The following CEP41 variants were observed in gnomAD, a reference collection of about 807,000 sequenced individuals.
The protein encoded by CEP41 is centrosomal protein 41, also known as centrosomal protein of 41 kDa.
In CEP41, 32 loss-of-function variants were observed where a neutral mutation model predicts 44.3. The observed-to-expected ratio is 0.72, with a 90% CI of 0.54 to 0.97. The LOEUF (loss-of-function observed/expected upper bound fraction) is 0.97, where lower values mean the gene tolerates loss of function less well. Ranked by LOEUF, CEP41 falls within the 50% of genes least tolerant of loss-of-function variation. The probability of loss-of-function intolerance (pLI) is 0.00; values close to 1 mark genes in which losing one functional copy is unlikely to be tolerated. For synonymous variants in CEP41, 151 were observed against 168.5 expected (o/e 0.90, Z 0.80); for missense variants, 432 against 455.2 (o/e 0.95, Z 0.46).
chr7:130,399,187 G>GGCTT, intron 10 of CEP41, 148 bp from the exon 11 acceptor site: 1 of 879,212 alleles, frequency 1.1e-6, no homozygotes. Context: ...GGCCAACGAT[G>GGCTT]GCCTACTCCT....
At chr7:130,440,782 G>GGCCCCCCC in intron 1 of CEP41, 152 bp downstream of exon 1, 1 of 531,118 alleles carries the variant, frequency 1.9e-6, no homozygotes, top group Non-Finnish European at 3.5e-6. Context: ...CCCAAGCCCG[G>GGCCCCCCC]CCCGCCCCGC....
At chr7:130,435,937 T>A (rs1231894174) in intron 1 of CEP41, among the ~76,000 whole-genome samples, 1 of 152,044 alleles carries the variant, frequency 6.6e-6, no homozygotes, top group Non-Finnish European at 1.5e-5. Flanking sequence ...GGTGGATCAT[T>A]AGGTCAGGAG....
Position 130,396,552 on chromosome 7 carries a change from A to C in CEP41, c.*2339T>G, listed in dbSNP as rs569758927. On this transcript the variant is annotated 3_prime_UTR_variant, in exon 11 of 11. Transcript: ENST00000223208. ...CGACAAATTAGTAACTATGTACTTTAATCTTCAACATTCATAATTGCACAA... is the reference window on the plus strand; with the variant it reads ...CGACAAATTAGTAACTATGTACTTTCATCTTCAACATTCATAATTGCACAA... 4.4e-6 allele frequency: 2 copies of C among 454,570 alleles called. No individual in the cohort carries two copies. The highest frequency in any genetic ancestry group is 4.0e-5 in the African/African-American group (2 of 50,146). 28.2% of individuals were successfully genotyped at this position (454,570 alleles called of 1,614,324 possible).
intron 2 of CEP41, chr7:130,417,462 C>CGGTA (rs1472911938): frequency 2.1e-6 from 1 of 484,578 alleles, no homozygotes; most frequent in Non-Finnish European, 2.8e-6. Flanking sequence ...ACTCTTCTAC[C>CGGTA]GTTCATGCTC....
intron 2 of CEP41, among the ~76,000 whole-genome samples, chr7:130,427,215 A>G (rs1041867161): frequency 9.2e-5 from 14 of 152,334 alleles, no homozygotes; most frequent in South Asian, 2.1e-4. Context: ...CAGTACCCCA[A>G]TCCACTAGCG....
chr7:130,421,550 A>G, intron 2 of CEP41: 1 of 985,636 alleles, frequency 1.0e-6, no homozygotes, highest in Non-Finnish European at 1.2e-6. Flanking sequence ...GTCTATAATG[A>G]GTTTGATGCT....
At chr7:130,421,616 A>G in intron 2 of CEP41, 1 of 1,006,136 alleles carries the variant, frequency 9.9e-7, no homozygotes, top group Non-Finnish European at 1.2e-6. Context: ...AGAAGAAAAG[A>G]GGGAATGAAT....
rs781856872 is a variant in CEP41 at position 130,400,048 on chromosome 7, C to A, written c.964G>T (p.Asp322Tyr). 1 of 1,601,918 alleles carries A rather than the reference C, an allele frequency of 6.2e-7. No homozygotes were observed. The highest frequency in any genetic ancestry group is 1.3e-5 in the African/African-American group (1 of 74,654). Reference protein sequence around the residue: ...YYLEEEQGPADHPSRLNQANS... With the variant: ...YYLEEEQGPAYHPSRLNQANS... ...GGTCAAAAGATCTTACTAGGATGATCTGCAGGCCCTTGCTCCTCTTCCAGA... is the reference window on the plus strand; with the variant it reads ...GGTCAAAAGATCTTACTAGGATGATATGCAGGCCCTTGCTCCTCTTCCAGA... The change falls in exon 10 of 11, where the codon GAT becomes TAT. Residue 322 changes from aspartate to tyrosine, a missense_variant. Asp to Tyr is a radical substitution (Grantham distance 160). Coordinates refer to ENST00000223208, the MANE Select transcript of CEP41 (RefSeq NM_018718.3).
chr7:130,440,934 C>G lies in CEP41; in HGVS notation c.33G>C (p.Glu11Asp). The G allele has an allele frequency of 6.2e-7, 1 of 1,612,364 alleles. No individual in the cohort carries two copies. The change falls in exon 1 of 11, where the codon GAG becomes GAC. Residue 11 changes from glutamate (E) to aspartate (D), a missense_variant and splice_region_variant. Transcript: ENST00000223208. MSLRRHIGNP[E>D]YLMKRIPQNP... ...TCTCCGGCCGAGACCTGGCCCTCAC[C>G]TCAGGGTTCCCAATGTGCCTCCGGA... is the stretch of plus-strand genomic sequence containing the variant.
chr7:130,403,446 A>T (rs1271958750), intron 6 of CEP41, among the ~76,000 whole-genome samples: 1 of 152,196 alleles, frequency 6.6e-6, no homozygotes, highest in Non-Finnish European at 1.5e-5. Flanking sequence ...AACAGTTCTA[A>T]TTCTAAGGTC....
intron 2 of CEP41, among the ~76,000 whole-genome samples, chr7:130,427,337 C>G (rs1797693797): frequency 6.6e-6 from 1 of 152,110 alleles, no homozygotes; most frequent in African/African-American, 2.4e-5. Flanking sequence ...GTCTGGGCAG[C>G]AGTCTTTATC....
intron 2 of CEP41, chr7:130,420,043 C>T: frequency 2.0e-6 from 2 of 985,408 alleles, no homozygotes; most frequent in Non-Finnish European, 2.4e-6. Context: ...GAATGATGGT[C>T]AGGTGCACTG....
rs1554414481 is a variant in CEP41 at position 130,396,233 on chromosome 7, A to G, written c.*2658T>C. The G allele has an allele frequency of 2.2e-6, 1 of 454,106 alleles. No homozygotes were observed. Among genetic ancestry groups the G allele is most frequent in the South Asian group, 1.6e-5 (1 of 64,470 alleles). 28.1% of individuals were successfully genotyped at this position (454,106 alleles called of 1,614,324 possible). On this transcript the variant is annotated 3_prime_UTR_variant, in exon 11 of 11. Transcript: ENST00000223208. ...AAGCACCTTCTGTCTCAGGGTTCAC[A>G]AGCCCCAGACAAGGGCAGCTAGTCA...
In CEP41 at chr7:130,395,482, C is replaced by T. The variant is rs1312862495; in HGVS notation, c.*3409G>A. ...AAGAAAGGTTCTTACTGATTATCTT[C>T]AGAGTAGAGCAAGAAGGTGGTCATG... is the stretch of plus-strand genomic sequence containing the variant. On this transcript the variant is annotated 3_prime_UTR_variant, in exon 11 of 11. Coordinates refer to ENST00000223208, the MANE Select transcript of CEP41 (RefSeq NM_018718.3). 2.4e-5 allele frequency: 11 copies of T among 453,954 alleles called. No homozygotes were observed. The highest frequency in any genetic ancestry group is 7.1e-5 in the Admixed American group (3 of 42,552). 28.1% of individuals were successfully genotyped at this position (453,954 alleles called of 1,614,324 possible).
chr7:130,411,882 G>T, intron 4 of CEP41: 1 of 254,300 alleles, frequency 3.9e-6, no homozygotes, highest in Non-Finnish European at 7.5e-6. Flanking sequence ...CAGAATTTTA[G>T]ATTCTAAATA....
intron 1 of CEP41, among the ~76,000 whole-genome samples, chr7:130,428,311 C>G (rs553270202): frequency 2.0e-5 from 3 of 151,124 alleles, no homozygotes; most frequent in Non-Finnish European, 4.4e-5. Context: ...GTAATCCCAG[C>G]TACTCGGGAG....
intron 5 of CEP41, chr7:130,410,814 A>G: frequency 2.4e-6 from 1 of 417,730 alleles, no homozygotes. Context: ...TCACCTCTGC[A>G]GTCTCATAGT....
At chr7:130,428,057 T>A in intron 1 of CEP41, 39 bp from the exon 2 acceptor site, 1 of 1,334,374 alleles carries the variant, frequency 7.5e-7, no homozygotes. Flanking sequence ...TGGGTTAATG[T>A]AAGGATAACG....
At chr7:130,399,225 G>C (rs1272251635) in intron 10 of CEP41, 186 bp from the exon 11 acceptor site, 1 of 682,670 alleles carries the variant, frequency 1.5e-6, no homozygotes, top group Non-Finnish European at 2.5e-6. Context: ...TGAAGGTGGG[G>C]AGGGGGACAG....
Sources: gnomAD v4.1 joint callset for allele counts (sites outside exome capture counted in the v4.1 genomes callset) on GRCh38, gnomAD v4.1.1 for gene constraint, MANE v1.5 for transcripts, NCBI Gene and HGNC (gene_info 2026-07-23, HGNC 2026-07-21) for gene names.